The following RBFOX1 variants were observed in gnomAD, a reference collection of about 807,000 sequenced individuals.
RBFOX1 encodes the protein RNA binding fox-1 homolog 1.
RBFOX1 carries 8 observed loss-of-function variants against 57.7 expected under a neutral mutation model. That is an observed-to-expected ratio of 0.14 (90% CI 0.08 to 0.25). RBFOX1 has a LOEUF of 0.25. Ranked by LOEUF, RBFOX1 falls within the 10% of genes least tolerant of loss-of-function variation. The pLI, the probability that RBFOX1 is intolerant of heterozygous loss-of-function variation, is 1.00. For synonymous variants in RBFOX1, 326 were observed against 222.4 expected, an observed-to-expected ratio of 1.47 and a Z score of -4.15; for missense variants, 611 against 548.5, an observed-to-expected ratio of 1.11 and a Z score of -1.14.
At chr16:6,679,182 A>G (rs1019364410) in intron 3 of RBFOX1, among the ~76,000 whole-genome samples, 1 of 152,170 alleles carries the variant, frequency 6.6e-6, no homozygotes, top group Non-Finnish European at 1.5e-5. Flanking sequence ...CTGAGTCTCC[A>G]TCTATTTATG....
intron 4 of RBFOX1, among the ~76,000 whole-genome samples, chr16:7,123,460 G>T (rs1483981102): frequency 6.6e-6 from 1 of 152,078 alleles, no homozygotes; most frequent in Non-Finnish European, 1.5e-5. Flanking sequence ...GACCTCCTGG[G>T]CTCAGGTGAT....
At chr16:7,109,110 C>A (rs537474326) in intron 4 of RBFOX1, among the ~76,000 whole-genome samples, 1 of 152,206 alleles carries the variant, frequency 6.6e-6, no homozygotes, top group African/African-American at 2.4e-5. Flanking sequence ...AAAGAGCCAC[C>A]TCTTTGAATT....
chr16:6,754,782 C>A (rs958353574), intron 3 of RBFOX1, among the ~76,000 whole-genome samples: 3 of 151,934 alleles, frequency 2.0e-5, no homozygotes, highest in African/African-American at 7.3e-5. Flanking sequence ...TATACATGTG[C>A]CATGCTGGTG....
At chr16:6,920,431 C>T (rs973065407) in intron 3 of RBFOX1, among the ~76,000 whole-genome samples, 1 of 152,142 alleles carries the variant, frequency 6.6e-6, no homozygotes, top group Non-Finnish European at 1.5e-5. Context: ...TTATAAATGG[C>T]TTGTTTAAGT....
intron 4 of RBFOX1, among the ~76,000 whole-genome samples, chr16:7,110,183 G>A (rs1426924219): frequency 1.2e-5 from 1 of 82,144 alleles, no homozygotes; most frequent in Non-Finnish European, 2.4e-5. Flanking sequence ...GACCCCCCGT[G>A]TCTCAAAAAA....
rs113845558 is a variant in RBFOX1, at chr16:6,859,353, A to G, written c.-15-192704A>G. On this transcript the variant is annotated intron_variant, in intron 3 of 15. Coordinates refer to ENST00000550418, the MANE Select transcript of RBFOX1 (RefSeq NM_018723.4). ...AAGAAAGAGTCAAAAATTCTATGCA[A>G]AATTCTCTGTTCTCCTCAAACAGAT... is the stretch of plus-strand genomic sequence containing the variant. Among the ~76,000 whole-genome samples the G allele has an allele frequency of 2.6e-5, 4 of 151,632 alleles. No homozygotes were observed. The South Asian group carries it at 8.3e-4, about 32-fold the overall frequency.
intron 2 of RBFOX1, among the ~76,000 whole-genome samples, chr16:6,553,048 A>T (rs985833630): frequency 6.6e-6 from 1 of 152,180 alleles, no homozygotes; most frequent in Non-Finnish European, 1.5e-5. Flanking sequence ...TTGACACTTC[A>T]GTGGCAGCAA....
chr16:7,448,978 G>GGAGTGCAATGGCGC (rs1472955413), intron 4 of RBFOX1, among the ~76,000 whole-genome samples: 2 of 113,466 alleles, frequency 1.8e-5, no homozygotes, highest in Non-Finnish European at 3.3e-5. Flanking sequence ...TGCCCAGGCT[G>GGAGTGCAATGGCGC]GAGTGCAATG....
At chr16:6,856,712 T>C (rs1009985406) in intron 3 of RBFOX1, among the ~76,000 whole-genome samples, 6 of 152,128 alleles carry the variant, frequency 3.9e-5, no homozygotes, top group African/African-American at 1.4e-4. Flanking sequence ...AAAGTGGTTA[T>C]CTCAATCACA....
At chr16:7,289,939 C>G (rs984525759) in intron 4 of RBFOX1, among the ~76,000 whole-genome samples, 4 of 152,140 alleles carry the variant, frequency 2.6e-5, no homozygotes, top group African/African-American at 9.7e-5. Context: ...ATTTCGTTAT[C>G]AAGAAGGCAG....
chr16:6,628,127 G>C (rs1484205402), intron 2 of RBFOX1, among the ~76,000 whole-genome samples: 1 of 152,186 alleles, frequency 6.6e-6, no homozygotes, highest in Non-Finnish European at 1.5e-5. Flanking sequence ...CAGTCCCCAA[G>C]ATGTCTCTGT....
intron 4 of RBFOX1, among the ~76,000 whole-genome samples, chr16:7,280,990 T>A (rs1212462212): frequency 9.5e-5 from 6 of 62,948 alleles, no homozygotes; most frequent in Non-Finnish European, 2.0e-4. Flanking sequence ...CCTCCCTCCC[T>A]CCTTCCTTCC....
At chr16:5,499,804 A>C (rs1030003896) in intron 2 of RBFOX1, among the ~76,000 whole-genome samples, 1 of 152,016 alleles carries the variant, frequency 6.6e-6, no homozygotes, top group African/African-American at 2.4e-5. Flanking sequence ...AACTCCTGAC[A>C]TCAGGTGATC....
chr16:6,973,030 C>G (rs1018950103), intron 3 of RBFOX1, among the ~76,000 whole-genome samples: 2 of 152,092 alleles, frequency 1.3e-5, no homozygotes, highest in Admixed American at 6.6e-5. Flanking sequence ...ACTTGGGAGG[C>G]TGAGGAAGTA....
intron 1 of RBFOX1, among the ~76,000 whole-genome samples, chr16:5,245,657 C>G (rs1467638226): frequency 6.6e-6 from 1 of 152,138 alleles, no homozygotes; most frequent in Non-Finnish European, 1.5e-5. Context: ...GTCTCAAACT[C>G]CTGACCTCAA....
intron 14 of RBFOX1, among the ~76,000 whole-genome samples, chr16:7,695,661 A>AT (rs1177465370): frequency 3.3e-5 from 5 of 151,716 alleles, no homozygotes. Context: ...AAAAAAAAAA[A>AT]AAAAAAAAAA....
At chr16:6,105,638 A>G (rs564394712) in intron 1 of RBFOX1, among the ~76,000 whole-genome samples, 160 of 151,764 alleles carry the variant, frequency 1.1e-3, no homozygotes, top group African/African-American at 3.6e-3. Context: ...TTTTCTGCTT[A>G]TAAAATACTA....
At chr16:7,258,299 G>A (rs940389274) in intron 4 of RBFOX1, among the ~76,000 whole-genome samples, 28 of 151,976 alleles carry the variant, frequency 1.8e-4, no homozygotes, top group African/African-American at 5.3e-4. Context: ...TTCAGCCTCC[G>A]TATTTTATAC....
chr16:6,215,695 GT>G (rs1284822026), intron 1 of RBFOX1, among the ~76,000 whole-genome samples: 2 of 151,954 alleles, frequency 1.3e-5, no homozygotes, highest in Non-Finnish European at 1.5e-5. Context: ...CTTATGGATT[GT>G]TTATCCTGGG....
Sources: gnomAD v4.1 joint callset for allele counts (sites outside exome capture counted in the v4.1 genomes callset) on GRCh38, gnomAD v4.1.1 for gene constraint, MANE v1.5 for transcripts, NCBI Gene and HGNC (gene_info 2026-07-23, HGNC 2026-07-21) for gene names.